PCDHGA7: variants seen among roughly 807,000 people sequenced by gnomAD.
PCDHGA7 encodes the protein protocadherin gamma subfamily A, 7, also known as protocadherin gamma-A7.
PCDHGA7 carries 44 observed loss-of-function variants against 58.3 expected under a neutral mutation model. The observed-to-expected ratio is 0.75, with a 90% confidence interval of 0.59 to 0.97. The LOEUF (loss-of-function observed/expected upper bound fraction) is 0.97, where lower values mean the gene tolerates loss of function less well. Among genes scored for constraint, PCDHGA7 ranks in the 50% least tolerant of loss-of-function variants. PCDHGA7 has a pLI of 0.00. For synonymous variants in PCDHGA7, 516 were observed against 504.2 expected (o/e 1.02, Z -0.31); for missense variants, 1,266 against 1,188.7 (o/e 1.06, Z -0.96).
At position 141,490,148 on chromosome 5, in the gene PCDHGA7, A is replaced by G. The variant is rs2154582223; in HGVS notation, c.2425-4659A>G. The G allele has an allele frequency of 1.2e-6, 2 of 1,614,232 alleles. No homozygotes were observed. The highest frequency in any genetic ancestry group is 4.5e-5 in the East Asian group (2 of 44,888). On this transcript the variant is annotated intron_variant, in intron 1 of 3. Coordinates refer to ENST00000518325, the MANE Select transcript of PCDHGA7 (RefSeq NM_018920.4). The surrounding 1 kb of genome is among the most constrained non-coding windows in gnomAD (Gnocchi z 5.4). The stretch of plus-strand genomic sequence containing the variant: ...CTAGACCCTAGCAGTGGGGCAATCC[A>G]TGTGTTGGGTCCCATAGACTTTGAG...
At chr5:141,466,180 A>T (rs566514149) in intron 1 of PCDHGA7, among the ~76,000 whole-genome samples, 100 of 151,254 alleles carry the variant, frequency 6.6e-4, no homozygotes, top group African/African-American at 2.1e-3. Context: ...TTTTATTTTT[A>T]TTTTTTTTCA....
chr5:141,414,302 A>G (rs2095732200), intron 1 of PCDHGA7: 3 of 1,613,678 alleles, frequency 1.9e-6, no homozygotes, highest in Non-Finnish European at 2.5e-6. Flanking sequence ...TTAAATGTGC[A>G]TGATTTAGAC....
At chr5:141,448,907 T>G (rs1253773780) in intron 1 of PCDHGA7, among the ~76,000 whole-genome samples, 1 of 152,178 alleles carries the variant, frequency 6.6e-6, no homozygotes, top group African/African-American at 2.4e-5. Flanking sequence ...ATCGTGCCAC[T>G]GCACTCCAGC....
At chr5:141,449,106 T>A (rs2154562506) in intron 1 of PCDHGA7, among the ~76,000 whole-genome samples, 2 of 152,314 alleles carry the variant, frequency 1.3e-5, no homozygotes, top group East Asian at 3.9e-4. Context: ...ATGCAGTATA[T>A]CTTTGGGATG....
intron 1 of PCDHGA7, chr5:141,399,725 A>G (rs2093873556): frequency 6.2e-7 from 1 of 1,613,192 alleles, no homozygotes; most frequent in Admixed American, 1.7e-5. Flanking sequence ...GCCCGCGACC[A>G]GGGCTCGCCT....
chr5:141,399,311 A>G, intron 1 of PCDHGA7: 1 of 1,613,970 alleles, frequency 6.2e-7, no homozygotes, highest in Non-Finnish European at 8.5e-7. Flanking sequence ...TCTTCATCCA[A>G]AAATTCGTAT....
chr5:141,391,896 G>A (rs2092439615), intron 1 of PCDHGA7: 1 of 152,128 alleles, frequency 6.6e-6, no homozygotes, highest in Non-Finnish European at 1.5e-5. Flanking sequence ...ATGGGATGGA[G>A]CTTTGCTTTT....
intron 1 of PCDHGA7, chr5:141,413,907 G>C (rs745956130): frequency 6.2e-7 from 1 of 1,613,270 alleles, no homozygotes; most frequent in Non-Finnish European, 8.5e-7. Context: ...ACAACGCGCC[G>C]GTCTTCACCT....
Position 141,385,020 on chromosome 5 carries a change from C to T in PCDHGA7, c.2121C>T (p.Phe707=). Residue 707 remains phenylalanine, a synonymous_variant, in exon 1 of 4, where the codon TTC becomes TTT. Transcript: ENST00000518325. ...VATVSCVFLA[F]VLVLLALRLR... is the part of the protein sequence containing the mutation. The stretch of plus-strand genomic sequence containing the variant: ...CAGTCTCCTGCGTCTTCCTAGCCTT[C>T]GTCCTCGTACTGCTGGCGCTCAGGC... The T allele has an allele frequency of 1.9e-6, 3 of 1,614,168 alleles. No homozygotes were observed. The highest frequency in any genetic ancestry group is 2.5e-6 in the Non-Finnish European group (3 of 1,180,040).
intron 1 of PCDHGA7, among the ~76,000 whole-genome samples, chr5:141,438,619 TATATATATATATATATAC>T (rs1380852637): frequency 0.021 from 829 of 39,644 alleles, 15 homozygotes; most frequent in East Asian, 0.054. Context: ...TATATATATA[TATATATATATATATATAC>T]ACACACACAC....
At chr5:141,460,616 T>C (rs905095529) in intron 1 of PCDHGA7, among the ~76,000 whole-genome samples, 8 of 152,114 alleles carry the variant, frequency 5.3e-5, no homozygotes, top group Non-Finnish European at 7.4e-5. Context: ...GATGGATAGA[T>C]AGACAGATAC....
At chr5:141,419,086 C>G (rs2096324558) in intron 1 of PCDHGA7, 1 of 1,613,808 alleles carries the variant, frequency 6.2e-7, no homozygotes, top group African/African-American at 1.3e-5. Context: ...CAGATGAGGC[C>G]CTGGATCGGG....
intron 1 of PCDHGA7, among the ~76,000 whole-genome samples, chr5:141,470,239 A>G (rs978204909): frequency 1.3e-5 from 2 of 152,232 alleles, no homozygotes; most frequent in African/African-American, 2.4e-5. Flanking sequence ...AAACCCTTGA[A>G]TGTCCCACCT....
chr5:141,409,820 C>T (rs1276944982), intron 1 of PCDHGA7: 4 of 1,610,926 alleles, frequency 2.5e-6, no homozygotes, highest in Non-Finnish European at 3.4e-6. Flanking sequence ...CCACGGCTCG[C>T]CCACGCTCAG....
In PCDHGA7 at chr5:141,383,127, C is replaced by T. The variant is rs1778840587; in HGVS notation, c.228C>T (p.Ala76=). 3.7e-6 allele frequency: 6 copies of T among 1,614,054 alleles called. No individual in the cohort carries two copies. Among genetic ancestry groups the T allele is most frequent in the Non-Finnish European group, 4.2e-6 (5 of 1,179,980 alleles). The change falls in exon 1 of 4, where the codon GCC becomes GCT. Residue 76 remains alanine, a synonymous_variant. Coordinates refer to ENST00000518325, the MANE Select transcript of PCDHGA7 (RefSeq NM_018920.4). ...IISRGRTQLF[A]LNQRSGSLVT... ...CCAGAGGTAGGACGCAGCTTTTCGC[C>T]CTGAACCAGCGCAGCGGCAGCTTGG...
chr5:141,386,504 T>A (rs1351334049), intron 1 of PCDHGA7, among the ~76,000 whole-genome samples: 1 of 84,712 alleles, frequency 1.2e-5, no homozygotes, highest in Non-Finnish European at 2.3e-5. Flanking sequence ...AACAAGACTC[T>A]GTCTCTTCAA....
rs200757040 is a variant in PCDHGA7, at chr5:141,431,080, C to T, written c.2424+45757C>T. 3 of 1,614,044 alleles carry T rather than the reference C, an allele frequency of 1.9e-6. No homozygotes were observed. The highest frequency in any genetic ancestry group is 2.5e-6 in the Non-Finnish European group (3 of 1,180,010). ...CCATCAAGTGTCAATTAAATCTAGA[C>T]ATTCTGATGGAGGATAAAGTGAAAA... On this transcript the variant is annotated intron_variant, in intron 1 of 3. Coordinates refer to ENST00000518325, the MANE Select transcript of PCDHGA7 (RefSeq NM_018920.4). This position sits in a 1 kb window ranked among gnomAD's most constrained non-coding sequence, Gnocchi z 4.8.
At chr5:141,398,850 A>G in intron 1 of PCDHGA7, 20 of 1,613,982 alleles carry the variant, frequency 1.2e-5, no homozygotes, top group Non-Finnish European at 1.6e-5. Flanking sequence ...ATCCCCCGGT[A>G]TTCAACCGAG....
At chr5:141,412,876 A>T (rs1206092699) in intron 1 of PCDHGA7, 2 of 281,096 alleles carry the variant, frequency 7.1e-6, no homozygotes, top group Admixed American at 4.9e-5. Flanking sequence ...AAATATAATA[A>T]TCCAACAGAA....
Sources: allele counts gnomAD v4.1 joint callset (sites outside exome capture counted in the v4.1 genomes callset), GRCh38; gene constraint gnomAD v4.1.1; non-coding constraint Gnocchi (gnomAD v3.1); transcripts MANE v1.5; gene names NCBI Gene and HGNC (gene_info 2026-07-23, HGNC 2026-07-21).